The following KIAA0513 variants were observed in gnomAD, a reference collection of about 807,000 sequenced individuals.
KIAA0513 encodes KIAA0513.
A neutral mutation model predicts 56.5 loss-of-function variants in KIAA0513; 39 were observed. The observed-to-expected ratio is 0.69, with a 90% CI of 0.53 to 0.90. The LOEUF (loss-of-function observed/expected upper bound fraction) is 0.90. KIAA0513 is among the 40% of genes least tolerant of loss of function. KIAA0513 has a pLI of 0.00. For missense variants in KIAA0513, 591 were observed against 535.2 expected (o/e 1.10, Z -1.03); for synonymous variants, 268 against 215.6 (o/e 1.24, Z -2.13).
intron 4 of KIAA0513, among the ~76,000 whole-genome samples, chr16:85,075,594 G>A (rs563694835): frequency 3.3e-5 from 5 of 152,300 alleles, no homozygotes; most frequent in African/African-American, 1.2e-4. Flanking sequence ...TCCCAGGCCT[G>A]GGCTTTCACC....
intron 1 of KIAA0513, among the ~76,000 whole-genome samples, chr16:85,061,663 A>G (rs886480872): frequency 6.6e-6 from 1 of 152,178 alleles, no homozygotes; most frequent in African/African-American, 2.4e-5. Flanking sequence ...CCCAAGGCCA[A>G]CCTGCTGGAG....
intron 1 of KIAA0513, among the ~76,000 whole-genome samples, chr16:85,046,088 A>T (rs1005684772): frequency 1.3e-5 from 2 of 152,164 alleles, no homozygotes; most frequent in African/African-American, 4.8e-5. Flanking sequence ...GGCTTTGCAC[A>T]TTGAGGGAGC....
At chr16:85,079,032 C>A in intron 8 of KIAA0513, 29 bp downstream of exon 8, 1 of 1,614,066 alleles carries the variant, frequency 6.2e-7, no homozygotes, top group Non-Finnish European at 8.5e-7. Context: ...CTTCCCGTCA[C>A]CCTCTTACTG....
At chr16:85,032,823 G>T (rs897916091) in intron 1 of KIAA0513, among the ~76,000 whole-genome samples, 1 of 152,054 alleles carries the variant, frequency 6.6e-6, no homozygotes, top group Non-Finnish European at 1.5e-5. Context: ...GTAGAGGCAG[G>T]GTTTCACCGT....
At chr16:85,085,826 C>T (rs1485614769) in intron 10 of KIAA0513, among the ~76,000 whole-genome samples, 1 of 152,224 alleles carries the variant, frequency 6.6e-6, no homozygotes, top group South Asian at 2.1e-4. Flanking sequence ...TCAGGGTCCC[C>T]GCCGGCTCCT....
At chr16:85,070,654 C>T (rs916899115) in intron 2 of KIAA0513, among the ~76,000 whole-genome samples, 12 of 152,236 alleles carry the variant, frequency 7.9e-5, no homozygotes, top group African/African-American at 2.6e-4. Flanking sequence ...CTCCAGCCTG[C>T]GCAAGACAGA....
chr16:85,037,928 A>G (rs1465274032), intron 1 of KIAA0513, among the ~76,000 whole-genome samples: 1 of 152,214 alleles, frequency 6.6e-6, no homozygotes, highest in Non-Finnish European at 1.5e-5. Flanking sequence ...GTGGTCCTGC[A>G]TCTGTTCTTG....
At chr16:85,034,611 G>A (rs989950221) in intron 1 of KIAA0513, among the ~76,000 whole-genome samples, 3 of 152,176 alleles carry the variant, frequency 2.0e-5, no homozygotes, top group Non-Finnish European at 4.4e-5. Flanking sequence ...GAAGGAAGGC[G>A]ATGGGGGCAG....
intron 6 of KIAA0513, 154 bp from the exon 7 acceptor site, chr16:85,078,261 G>A: frequency 4.1e-6 from 1 of 242,426 alleles, no homozygotes; most frequent in Non-Finnish European, 6.6e-6. Flanking sequence ...AACACTGGCA[G>A]TTGACAAATA....
chr16:85,068,581 C>A (rs762722753), intron 2 of KIAA0513, among the ~76,000 whole-genome samples: 1 of 152,142 alleles, frequency 6.6e-6, no homozygotes, highest in Admixed American at 6.5e-5. Context: ...ATCCGCCTGC[C>A]TTAGCCTCCC....
At chr16:85,064,674 C>T (rs1018722200) in intron 1 of KIAA0513, among the ~76,000 whole-genome samples, 9 of 152,090 alleles carry the variant, frequency 5.9e-5, no homozygotes, top group Admixed American at 1.3e-4. Context: ...TTGTCTACGC[C>T]TTTAATAATT....
rs374219515 is a variant in KIAA0513, at chr16:85,065,219, G to C, written c.-172-1681G>C. Among the ~76,000 whole-genome samples, 91 of 152,336 alleles carry C rather than the reference G, an allele frequency of 6.0e-4. 1 individual carries two copies. The East Asian group carries it at 0.015, about 25-fold the overall frequency. On this transcript the variant is annotated intron_variant, in intron 1 of 12. Coordinates refer to ENST00000683363, the MANE Select transcript of KIAA0513 (RefSeq NM_001388359.1). Reference sequence around the variant, plus strand: ...TGAGTGAGAATGCGCTTGTGGAAGGGCCTTGGGTTTCTGATCCAATCTTGA... The same window carrying C: ...TGAGTGAGAATGCGCTTGTGGAAGGCCCTTGGGTTTCTGATCCAATCTTGA...
Position 85,077,601 on chromosome 16 carries a change from A to C in KIAA0513, c.751A>C (p.Lys251Gln). Reference sequence around the variant, plus strand: ...GGGCTTCTTCGGGGGGCTGGAGACCAAGCTGAAGGGGCCCCTGGCCAGGAG... The same window carrying C: ...GGGCTTCTTCGGGGGGCTGGAGACCCAGCTGAAGGGGCCCCTGGCCAGGAG... ...VKGFFGGLET[K>Q]LKGPLARRNE... The change falls in exon 6 of 13, where the codon AAG (lysine) becomes CAG (glutamine). Residue 251 changes from lysine to glutamine, a missense_variant. By Grantham distance (53) the Lys-to-Gln change is moderately conservative. Coordinates refer to ENST00000683363, the MANE Select transcript of KIAA0513 (RefSeq NM_001388359.1). 1 of 1,613,554 alleles carries C rather than the reference A, an allele frequency of 6.2e-7. No individual in the cohort carries two copies. Among genetic ancestry groups the C allele is most frequent in the Non-Finnish European group, 8.5e-7 (1 of 1,179,700 alleles).
At chr16:85,041,528 T>C (rs1403773655) in intron 1 of KIAA0513, among the ~76,000 whole-genome samples, 1 of 152,184 alleles carries the variant, frequency 6.6e-6, no homozygotes, top group African/African-American at 2.4e-5. Flanking sequence ...CTTTGTTTCG[T>C]AGGATTTATC....
chr16:85,074,297 T>C (rs1427037623), intron 4 of KIAA0513, among the ~76,000 whole-genome samples: 6 of 151,056 alleles, frequency 4.0e-5, no homozygotes, highest in African/African-American at 1.5e-4. Context: ...TATATACATA[T>C]ATATATACAC....
rs1317437243 is a variant in KIAA0513, at chr16:85,092,281, C to T, written c.*3956C>T. The T allele has an allele frequency of 6.6e-6, 1 of 152,122 alleles. No homozygotes were observed. The highest frequency in any genetic ancestry group is 1.5e-5 in the Non-Finnish European group (1 of 68,078). The allele number at this position is 152,122 out of a possible 1,614,324, so 9.4% of individuals were successfully genotyped here. Reference sequence around the variant, plus strand: ...TAGTTAGGAAGGATCCAGCTAGGCCCGTGTGGTTAGATCAGCTTTGTTACT... The same window carrying T: ...TAGTTAGGAAGGATCCAGCTAGGCCTGTGTGGTTAGATCAGCTTTGTTACT... On this transcript the variant is annotated 3_prime_UTR_variant, in exon 13 of 13. Transcript: ENST00000683363.
intron 1 of KIAA0513, among the ~76,000 whole-genome samples, chr16:85,038,215 C>G (rs1390794830): frequency 6.6e-6 from 1 of 152,202 alleles, no homozygotes; most frequent in African/African-American, 2.4e-5. Context: ...AGAGCATTGA[C>G]TTTGCCTCTT....
chr16:85,047,632 C>T (rs534344829), intron 1 of KIAA0513, among the ~76,000 whole-genome samples: 7 of 152,274 alleles, frequency 4.6e-5, no homozygotes, highest in East Asian at 3.9e-4. Flanking sequence ...CCACCACTGC[C>T]GCTGTGGAAT....
At chr16:85,070,274 A>G (rs887552905) in intron 2 of KIAA0513, among the ~76,000 whole-genome samples, 1 of 152,064 alleles carries the variant, frequency 6.6e-6, no homozygotes, top group African/African-American at 2.4e-5. Flanking sequence ...TCAAGGGCTG[A>G]CTTCCGCCTT....
Sources: gnomAD v4.1 joint callset for allele counts (sites outside exome capture counted in the v4.1 genomes callset) on GRCh38, gnomAD v4.1.1 for gene constraint, MANE v1.5 for transcripts, NCBI Gene and HGNC (gene_info 2026-07-23, HGNC 2026-07-21) for gene names.